Variants in FBXL7 observed in about 807,000 individuals in gnomAD.
FBXL7 encodes F-box/LRR-repeat protein 7.
Under a neutral mutation model 38.3 loss-of-function variants are expected in FBXL7, and 12 were observed. That is an observed-to-expected ratio of 0.31 (90% confidence interval 0.20 to 0.51). The LOEUF (loss-of-function observed/expected upper bound fraction) is 0.51. Ranked by LOEUF, FBXL7 falls within the 20% of genes least tolerant of loss-of-function variation. The probability of loss-of-function intolerance (pLI) is 0.98; values close to 1 mark genes in which losing one functional copy is unlikely to be tolerated. For missense variants in FBXL7, 567 were observed against 676.4 expected (o/e 0.84, Z 1.79); for synonymous variants, 297 against 300.9 (o/e 0.99, Z 0.13).
chr5:15,888,854 A>G (rs957332343), intron 2 of FBXL7, among the ~76,000 whole-genome samples: 3 of 152,206 alleles, frequency 2.0e-5, no homozygotes, highest in Non-Finnish European at 4.4e-5. Flanking sequence ...TTACTTGAAT[A>G]GTGATATATT....
At chr5:15,601,913 A>G (rs376708730) in intron 1 of FBXL7, among the ~76,000 whole-genome samples, 4 of 152,256 alleles carry the variant, frequency 2.6e-5, no homozygotes, top group South Asian at 4.1e-4. Context: ...TGCACATAAA[A>G]TTAGTTTTAA....
intron 2 of FBXL7, among the ~76,000 whole-genome samples, chr5:15,683,703 T>C (rs1352791782): frequency 6.6e-6 from 1 of 152,106 alleles, no homozygotes; most frequent in Non-Finnish European, 1.5e-5. Context: ...TTAAGAGAGC[T>C]AAGTAGTTTA....
chr5:15,755,364 A>C (rs780015390), intron 2 of FBXL7, among the ~76,000 whole-genome samples: 7 of 152,124 alleles, frequency 4.6e-5, no homozygotes, highest in Non-Finnish European at 8.8e-5. Flanking sequence ...GGCATGAAAG[A>C]TGGATTTCCA....
chr5:15,599,035 A>G (rs961395205), intron 1 of FBXL7, among the ~76,000 whole-genome samples: 1 of 152,172 alleles, frequency 6.6e-6, no homozygotes, highest in Non-Finnish European at 1.5e-5. Context: ...GCTGCCATTT[A>G]TACTTTCTCT....
At chr5:15,698,546 A>G (rs548769457) in intron 2 of FBXL7, among the ~76,000 whole-genome samples, 8 of 152,250 alleles carry the variant, frequency 5.3e-5, no homozygotes, top group African/African-American at 1.9e-4. Context: ...AGAACACTGT[A>G]TTTTATTCCT....
intron 2 of FBXL7, among the ~76,000 whole-genome samples, chr5:15,802,137 G>T (rs1011564616): frequency 1.3e-5 from 2 of 151,968 alleles, no homozygotes; most frequent in East Asian, 1.9e-4. Flanking sequence ...ATCTATCTTG[G>T]ATCTTAGTAC....
At chr5:15,661,818 A>G (rs572852200) in intron 2 of FBXL7, among the ~76,000 whole-genome samples, 3 of 152,306 alleles carry the variant, frequency 2.0e-5, no homozygotes, top group Non-Finnish European at 2.9e-5. Flanking sequence ...TGCTAAGGAT[A>G]TATTATGCCT....
intron 2 of FBXL7, among the ~76,000 whole-genome samples, chr5:15,719,249 G>A (rs1744129577): frequency 6.6e-6 from 1 of 151,942 alleles, no homozygotes. Context: ...CAAATCCTTT[G>A]CCCAGAAGAT....
chr5:15,861,711 C>T, intron 2 of FBXL7, among the ~76,000 whole-genome samples: 1 of 152,162 alleles, frequency 6.6e-6, no homozygotes, highest in East Asian at 1.9e-4. Context: ...ATAACCAGCC[C>T]TGCTGGTGTC....
intron 2 of FBXL7, among the ~76,000 whole-genome samples, chr5:15,637,020 G>C (rs1412594275): frequency 6.6e-6 from 1 of 152,174 alleles, no homozygotes; most frequent in African/African-American, 2.4e-5. Flanking sequence ...TATTTTGGCA[G>C]AGAGGAAAGA....
chr5:15,679,714 C>G (rs1370316412), intron 2 of FBXL7, among the ~76,000 whole-genome samples: 1 of 152,050 alleles, frequency 6.6e-6, no homozygotes, highest in South Asian at 2.1e-4. Flanking sequence ...CTGAAATATT[C>G]CCCTCAAGCA....
chr5:15,740,810 T>A (rs143979017), intron 2 of FBXL7, among the ~76,000 whole-genome samples: 224 of 152,234 alleles, frequency 1.5e-3, no homozygotes, highest in Middle Eastern at 3.4e-3. Context: ...AACTAAGGAA[T>A]AAGTAACATT....
At chr5:15,830,799 G>C (rs1182651969) in intron 2 of FBXL7, among the ~76,000 whole-genome samples, 1 of 152,176 alleles carries the variant, frequency 6.6e-6, no homozygotes, top group Non-Finnish European at 1.5e-5. Flanking sequence ...AGGGAGAGAA[G>C]ATGGTGGAGG....
chr5:15,771,831 G>A (rs1029555866), intron 2 of FBXL7, among the ~76,000 whole-genome samples: 4 of 144,898 alleles, frequency 2.8e-5, no homozygotes, highest in South Asian at 2.2e-4. Flanking sequence ...GCTGGAGTGC[G>A]ATCTTGGCTC....
chr5:15,868,158 G>A (rs948441749), intron 2 of FBXL7, among the ~76,000 whole-genome samples: 2 of 151,926 alleles, frequency 1.3e-5, no homozygotes, highest in African/African-American at 2.4e-5. Flanking sequence ...AGGAATGTGG[G>A]TGTCCTCTAG....
rs566815807 is a variant in FBXL7, at chr5:15,529,643, C to T, written c.37+28930C>T. On this transcript the variant is annotated intron_variant, in intron 1 of 3. Coordinates refer to ENST00000504595, the MANE Select transcript of FBXL7 (RefSeq NM_012304.5). Reference sequence around the variant, plus strand: ...GACCTCGTGATCCACCCACCTCGGCCTCCCAAAGTGCTGGGATTACAGGTG... The same window carrying T: ...GACCTCGTGATCCACCCACCTCGGCTTCCCAAAGTGCTGGGATTACAGGTG... 2.6e-5 allele frequency among the ~76,000 whole-genome samples: 4 copies of T among 152,314 alleles called. No individual in the cohort carries two copies. The South Asian group carries it at 8.3e-4, about 32-fold the overall frequency.
At chr5:15,797,253 A>G (rs1737439514) in intron 2 of FBXL7, among the ~76,000 whole-genome samples, 2 of 152,212 alleles carry the variant, frequency 1.3e-5, no homozygotes, top group Admixed American at 6.5e-5. Context: ...AAGTCCCAAC[A>G]TGCTTAACTA....
chr5:15,792,678 C>G (rs954741523), intron 2 of FBXL7, among the ~76,000 whole-genome samples: 2 of 152,190 alleles, frequency 1.3e-5, no homozygotes, highest in African/African-American at 4.8e-5. Context: ...ACTCAAGGAC[C>G]CTGCTTTGTT....
intron 2 of FBXL7, among the ~76,000 whole-genome samples, chr5:15,922,392 G>C (rs942335438): frequency 6.6e-6 from 1 of 152,096 alleles, no homozygotes; most frequent in African/African-American, 2.4e-5. Flanking sequence ...ATGATCAAGA[G>C]CTTTTTATGT....
Sources: gnomAD v4.1 joint callset for allele counts (sites outside exome capture counted in the v4.1 genomes callset) on GRCh38, gnomAD v4.1.1 for gene constraint, MANE v1.5 for transcripts, NCBI Gene and HGNC (gene_info 2026-07-23, HGNC 2026-07-21) for gene names.